The following ZFAND3 variants were observed in gnomAD, a reference collection of about 807,000 sequenced individuals.
ZFAND3 encodes the protein zinc finger AN1-type containing 3, also known as AN1-type zinc finger protein 3.
Under a neutral mutation model 29.6 loss-of-function variants are expected in ZFAND3, and 10 were observed. The observed-to-expected ratio is 0.34, with a 90% CI of 0.21 to 0.57. The LOEUF (loss-of-function observed/expected upper bound fraction) is 0.57, where lower values mean the gene tolerates loss of function less well. ZFAND3 is among the 20% of genes least tolerant of loss of function. The pLI is 0.86. For missense variants in ZFAND3, 230 were observed against 304.5 expected, an observed-to-expected ratio of 0.76 and a Z score of 1.82; for synonymous variants, 128 against 112.6, an observed-to-expected ratio of 1.14 and a Z score of -0.87.
chr6:37,834,247 A>C (rs1449190559), intron 1 of ZFAND3, among the ~76,000 whole-genome samples: 1 of 152,200 alleles, frequency 6.6e-6, no homozygotes, highest in Non-Finnish European at 1.5e-5. Context: ...TATTGTTGGA[A>C]TCATACAGTA....
At chr6:37,870,538 G>A (rs1196574574) in intron 1 of ZFAND3, among the ~76,000 whole-genome samples, 1 of 146,912 alleles carries the variant, frequency 6.8e-6, no homozygotes, top group African/African-American at 2.5e-5. Context: ...GGTGGAGGTT[G>A]CAGTGAGCCA....
rs555905991 is a variant in ZFAND3, at chr6:37,971,606, A to G, written c.112+41607A>G. Among the ~76,000 whole-genome samples, 22 of 152,018 alleles carry G rather than the reference A, an allele frequency of 1.4e-4. No homozygotes were observed. In the South Asian group the frequency reaches 4.4e-3, roughly 30 times the overall value. ...CAATGCTTGCTTTCCATATTTGCAT[A>G]TTTTTTCTCTGCCTTAATAGCAGAA... On this transcript the variant is annotated intron_variant, in intron 2 of 5. Transcript: ENST00000287218.
intron 4 of ZFAND3, among the ~76,000 whole-genome samples, chr6:38,086,720 G>A (rs190813975): frequency 2.0e-5 from 3 of 152,202 alleles, no homozygotes; most frequent in Admixed American, 6.5e-5. Context: ...TATTTGGAAG[G>A]TATTTGGATA....
intron 1 of ZFAND3, among the ~76,000 whole-genome samples, chr6:37,923,517 C>CT (rs1761423559): frequency 1.3e-5 from 2 of 152,158 alleles, no homozygotes; most frequent in African/African-American, 2.4e-5. Flanking sequence ...TCTTCCTCTT[C>CT]TTTTTTTAGT....
In ZFAND3 at chr6:38,069,536, C is replaced by CA. The variant is rs1764411827; in HGVS notation, c.295+7762dup. On this transcript the variant is annotated intron_variant, in intron 3 of 5. Transcript: ENST00000287218. ...TTTAACGGTGTTTTTTTCCCCAGTG[C>CA]ATTTATTCATTCATCCCAAAGCTGG... Among the ~76,000 whole-genome samples, 10 of 152,230 alleles carry CA rather than the reference C, an allele frequency of 6.6e-5. No individual in the cohort carries two copies. In the South Asian group the frequency reaches 1.9e-3, roughly 28 times the overall value.
intron 1 of ZFAND3, among the ~76,000 whole-genome samples, chr6:37,883,897 A>G (rs901203331): frequency 1.4e-5 from 2 of 144,698 alleles, no homozygotes; most frequent in Non-Finnish European, 3.0e-5. Flanking sequence ...ACTAGTTCAT[A>G]ATGTATGTTC....
intron 1 of ZFAND3, among the ~76,000 whole-genome samples, chr6:37,857,953 G>T (rs1195510990): frequency 6.6e-6 from 1 of 152,144 alleles, no homozygotes; most frequent in Non-Finnish European, 1.5e-5. Context: ...GTGTAGGATA[G>T]TGTCTGTTTA....
At chr6:38,110,872 A>G (rs1361827658) in intron 4 of ZFAND3, among the ~76,000 whole-genome samples, 1 of 152,214 alleles carries the variant, frequency 6.6e-6, no homozygotes, top group Non-Finnish European at 1.5e-5. Context: ...AGGAAGCCAC[A>G]GCCATGGTTA....
intron 3 of ZFAND3, among the ~76,000 whole-genome samples, chr6:38,072,808 G>T (rs1479376912): frequency 6.6e-6 from 1 of 152,250 alleles, no homozygotes; most frequent in East Asian, 1.9e-4. Context: ...CATGGCCTCT[G>T]TTACTTTATA....
intron 2 of ZFAND3, among the ~76,000 whole-genome samples, chr6:38,024,771 T>C (rs886404886): frequency 6.6e-6 from 1 of 152,176 alleles, no homozygotes; most frequent in African/African-American, 2.4e-5. Flanking sequence ...TCTGTAGAGG[T>C]AGACTCAGAT....
chr6:38,029,888 AG>A (rs1763518824), intron 2 of ZFAND3, among the ~76,000 whole-genome samples: 1 of 152,068 alleles, frequency 6.6e-6, no homozygotes, highest in African/African-American at 2.4e-5. Context: ...TTTACTGATT[AG>A]AGCAAATACA....
intron 2 of ZFAND3, among the ~76,000 whole-genome samples, chr6:38,008,210 A>G (rs1311255024): frequency 2.0e-5 from 3 of 152,200 alleles, no homozygotes; most frequent in Admixed American, 6.5e-5. Flanking sequence ...GAGAATAGCA[A>G]TTAAGACTAG....
intron 1 of ZFAND3, among the ~76,000 whole-genome samples, chr6:37,891,153 A>T (rs1461652009): frequency 6.6e-6 from 1 of 152,210 alleles, no homozygotes; most frequent in Non-Finnish European, 1.5e-5. Context: ...ATATAAATGG[A>T]ATCATACAAT....
intron 1 of ZFAND3, among the ~76,000 whole-genome samples, chr6:37,869,120 G>A (rs1421989039): frequency 1.3e-5 from 2 of 152,052 alleles, no homozygotes; most frequent in African/African-American, 2.4e-5. Flanking sequence ...TCATTGTATC[G>A]TTCATTTAAT....
At chr6:37,920,914 C>T (rs2127408878) in intron 1 of ZFAND3, among the ~76,000 whole-genome samples, 1 of 152,252 alleles carries the variant, frequency 6.6e-6, no homozygotes, top group African/African-American at 2.4e-5. Context: ...CTGTTGGCTG[C>T]TTCCTGGCTG....
intron 2 of ZFAND3, among the ~76,000 whole-genome samples, chr6:37,942,273 T>TA (rs1561941643): frequency 3.7e-5 from 5 of 136,964 alleles, no homozygotes; most frequent in South Asian, 2.2e-4. Flanking sequence ...ATATATATAT[T>TA]TTTTTTTCTT....
chr6:38,046,884 G>A (rs1353949234), intron 2 of ZFAND3, among the ~76,000 whole-genome samples: 4 of 151,920 alleles, frequency 2.6e-5, no homozygotes, highest in Non-Finnish European at 5.9e-5. Flanking sequence ...TTTTATTAAC[G>A]CTATTACAGA....
At position 37,873,193 on chromosome 6, in the gene ZFAND3, C is replaced by T. The variant is rs193185605; in HGVS notation, c.71+53177C>T. 5.4e-3 allele frequency among the ~76,000 whole-genome samples: 819 copies of T among 152,328 alleles called. 12 individuals are homozygous for T. Among genetic ancestry groups the T allele is most frequent in the African/African-American group, 0.018 (767 of 41,570 alleles). On this transcript the variant is annotated intron_variant, in intron 1 of 5. Transcript: ENST00000287218. ...GGCTGAGGCAGGAGAATGGTGTGAA[C>T]CCGGGAGGCGAAGCTTGCGGTGAGC...
In ZFAND3 at chr6:37,896,562, CTT is replaced by C. The variant is rs778644444; in HGVS notation, c.72-33395_72-33394del. 3.7e-3 allele frequency among the ~76,000 whole-genome samples: 497 copies of C among 135,442 alleles called. 16 individuals carry two copies. The East Asian group carries it at 0.08, about 22-fold the overall frequency. The allele number at this position is 135,442 out of a possible 152,430, so 88.9% of individuals were successfully genotyped here. A position where few individuals can be genotyped will look rare whatever the true frequency, so the allele number is the denominator to read the frequency against. On this transcript the variant is annotated intron_variant, in intron 1 of 5. Coordinates refer to ENST00000287218, the MANE Select transcript of ZFAND3 (RefSeq NM_021943.3). ...TCTTTCTTTCTTTCTTTCTTTCTTT[CTT>C]TCTTTCTCTCTTTCTCTCTCTTTCT...
Sources: allele counts gnomAD v4.1 joint callset (sites outside exome capture counted in the v4.1 genomes callset), GRCh38; gene constraint gnomAD v4.1.1; transcripts MANE v1.5; gene names NCBI Gene and HGNC (gene_info 2026-07-23, HGNC 2026-07-21).